Variants in DENND4A observed in about 807,000 individuals in gnomAD.
The protein encoded by DENND4A is DENN domain containing 4A.
Under a neutral mutation model 199.3 loss-of-function variants are expected in DENND4A, and 70 were observed. That is an observed-to-expected ratio of 0.35 (90% CI 0.29 to 0.43). DENND4A has a LOEUF of 0.43. Ranked by LOEUF, DENND4A falls within the 20% of genes least tolerant of loss-of-function variation. DENND4A has a pLI of 1.00. For missense variants in DENND4A, 1,723 were observed against 2,255.8 expected (o/e 0.76, Z 4.78); for synonymous variants, 686 against 766.9 (o/e 0.89, Z 1.74).
chr15:65,668,231 C>CA, intron 27 of DENND4A, 108 bp from the exon 28 acceptor site: 1 of 833,726 alleles, frequency 1.2e-6, no homozygotes, highest in Non-Finnish European at 1.8e-6. Flanking sequence ...TTTTTTAAGA[C>CA]AGAGTCTTGC....
At chr15:65,785,572 T>G (rs1289241977) in intron 1 of DENND4A, among the ~76,000 whole-genome samples, 3 of 151,984 alleles carry the variant, frequency 2.0e-5, no homozygotes, top group Non-Finnish European at 4.4e-5. Flanking sequence ...TTGAAAAGTT[T>G]TAAAAATAAA....
At chr15:65,755,305 T>C (rs1484330348) in intron 3 of DENND4A, among the ~76,000 whole-genome samples, 2 of 152,226 alleles carry the variant, frequency 1.3e-5, no homozygotes, top group Non-Finnish European at 2.9e-5. Context: ...ATAGAATTTA[T>C]TGTGGTGATG....
chr15:65,663,198 A>ATTTTTTT (rs139708249), intron 32 of DENND4A, among the ~76,000 whole-genome samples: 4 of 112,342 alleles, frequency 3.6e-5, no homozygotes, highest in African/African-American at 1.1e-4. Context: ...ATATATATAT[A>ATTTTTTT]TTTTTTTTTT....
intron 14 of DENND4A, chr15:65,715,175 A>T (rs756966682): frequency 9.5e-6 from 2 of 211,344 alleles, no homozygotes; most frequent in Non-Finnish European, 1.9e-5. Flanking sequence ...CAGACGTTCA[A>T]GTTGGAGGTG....
intron 7 of DENND4A, among the ~76,000 whole-genome samples, chr15:65,734,423 C>T (rs1420683028): frequency 7.2e-5 from 11 of 152,174 alleles, no homozygotes; most frequent in Non-Finnish European, 2.9e-5. Flanking sequence ...ATCCCCCTCT[C>T]GGAGAAACAC....
chr15:65,664,762 G>A (rs1251328136), intron 30 of DENND4A, 40 bp from the exon 31 acceptor site: 12 of 1,517,558 alleles, frequency 7.9e-6, no homozygotes, highest in Non-Finnish European at 9.8e-6. Flanking sequence ...AAAATGTTCT[G>A]TGTAGAAAGG....
chr15:65,769,198 T>TACACACACACAC (rs3082834), intron 1 of DENND4A, among the ~76,000 whole-genome samples: 1 of 146,274 alleles, frequency 6.8e-6, no homozygotes, highest in Non-Finnish European at 1.5e-5. Flanking sequence ...ATATAAGGTA[T>TACACACACACAC]ACACACACAC....
chr15:65,664,896 CA>C (rs1317822825), intron 30 of DENND4A, 174 bp from the exon 31 acceptor site: 22 of 572,656 alleles, frequency 3.8e-5, no homozygotes, highest in South Asian at 8.7e-5. Context: ...CAAATAATGA[CA>C]AAAAAAGGTC....
intron 14 of DENND4A, among the ~76,000 whole-genome samples, chr15:65,707,560 A>G (rs2142266181): frequency 6.6e-6 from 1 of 152,344 alleles, no homozygotes; most frequent in South Asian, 2.1e-4. Context: ...AATGTTTTTA[A>G]TGGTATATCC....
intron 3 of DENND4A, among the ~76,000 whole-genome samples, chr15:65,754,096 A>G (rs1395025449): frequency 6.6e-6 from 1 of 151,966 alleles, no homozygotes; most frequent in Non-Finnish European, 1.5e-5. Flanking sequence ...GGCCTTCCAA[A>G]GTGCCGGGAT....
chr15:65,697,182 A>G, intron 21 of DENND4A, 85 bp downstream of exon 21: 1 of 861,462 alleles, frequency 1.2e-6, no homozygotes, highest in South Asian at 1.7e-5. Flanking sequence ...ATGGAAAGTA[A>G]AACCAGCACT....
chr15:65,703,825 ATAG>A (rs1258262821), intron 15 of DENND4A, among the ~76,000 whole-genome samples: 1 of 152,222 alleles, frequency 6.6e-6, no homozygotes, highest in Non-Finnish European at 1.5e-5. Context: ...CCTGGACAAC[ATAG>A]TGAAACTTCA....
At chr15:65,761,971 C>G (rs9673072) in intron 1 of DENND4A, among the ~76,000 whole-genome samples, 5,912 of 152,248 alleles carry the variant, frequency 0.039, 397 homozygotes, top group African/African-American at 0.14. Flanking sequence ...AGTTCCACAT[C>G]CATACCATGG....
At chr15:65,688,545 T>A (rs1307331798) in intron 23 of DENND4A, among the ~76,000 whole-genome samples, 8 of 152,256 alleles carry the variant, frequency 5.3e-5, no homozygotes, top group Non-Finnish European at 1.5e-5. Flanking sequence ...TTTTACTTTT[T>A]GTAGGCAGTG....
chr15:65,734,279 GC>G, intron 7 of DENND4A, among the ~76,000 whole-genome samples: 1 of 152,350 alleles, frequency 6.6e-6, no homozygotes, highest in South Asian at 2.1e-4. Flanking sequence ...GCTTTGTAAA[GC>G]ATTGAGATGT....
Position 65,702,397 on chromosome 15 carries a change from C to CATTTACAAATAACATTACAA in DENND4A, c.2337_2338insTTGTAATGTTATTTGTAAAT (p.Val780LeufsTer2). On this transcript the variant is annotated stop_gained and frameshift_variant, in exon 17 of 33. Coordinates refer to ENST00000443035, the MANE Select transcript of DENND4A (RefSeq NM_001320835.1). LOFTEE classifies it high-confidence loss of function. ...CTGACTTTTGAATGACAGACTTTCA[C>CATTTACAAATAACATTACAA]ATAAGCTGGGAGACAAATAAACCAC... 1 of 1,567,848 alleles carries CATTTACAAATAACATTACAA rather than the reference C, an allele frequency of 6.4e-7. No individual in the cohort carries two copies. Among genetic ancestry groups the CATTTACAAATAACATTACAA allele is most frequent in the African/African-American group, 1.4e-5 (1 of 73,754 alleles).
intron 1 of DENND4A, among the ~76,000 whole-genome samples, chr15:65,776,479 C>T (rs1398434968): frequency 2.0e-5 from 3 of 152,190 alleles, no homozygotes; most frequent in Non-Finnish European, 2.9e-5. Flanking sequence ...TGAGCAGTAA[C>T]TTTTTTATTT....
At chr15:65,760,771 C>T (rs1468284889) in intron 2 of DENND4A, among the ~76,000 whole-genome samples, 2 of 151,850 alleles carry the variant, frequency 1.3e-5, no homozygotes, top group Non-Finnish European at 2.9e-5. Flanking sequence ...TGCCTATGAT[C>T]CCAGCTACTT....
intron 23 of DENND4A, among the ~76,000 whole-genome samples, chr15:65,677,927 C>CTTTT (rs11071847): frequency 5.0e-5 from 5 of 100,096 alleles, no homozygotes; most frequent in Admixed American, 2.2e-4. Context: ...CCTCTTATCT[C>CTTTT]TTTTTTTTTT....
Sources: gnomAD v4.1 joint callset for allele counts (sites outside exome capture counted in the v4.1 genomes callset) on GRCh38, gnomAD v4.1.1 for gene constraint, MANE v1.5 for transcripts, NCBI Gene and HGNC (gene_info 2026-07-23, HGNC 2026-07-21) for gene names.